The following SCHIP1 variants were observed in gnomAD, a reference collection of about 807,000 sequenced individuals.
SCHIP1 encodes the protein schwannomin interacting protein 1, also known as schwannomin-interacting protein 1.
SCHIP1 carries 8 observed loss-of-function variants against 29.7 expected under a neutral mutation model. That is an observed-to-expected ratio of 0.27 (90% CI 0.16 to 0.49). SCHIP1 has a LOEUF of 0.49. Among genes scored for constraint, SCHIP1 ranks in the 20% least tolerant of loss-of-function variants. The pLI is 0.99. For missense variants in SCHIP1, 193 were observed against 294.6 expected, an observed-to-expected ratio of 0.66 and a Z score of 2.52; for synonymous variants, 76 against 94.9, an observed-to-expected ratio of 0.80 and a Z score of 1.16.
chr3:159,503,098 A>G, the SCHIP1 span, among the ~76,000 whole-genome samples: 1 of 152,160 alleles, frequency 6.6e-6, no homozygotes, highest in East Asian at 1.9e-4. Context: ...GGAGACAGGG[A>G]GAAATGGTAG....
In SCHIP1 at chr3:159,888,952, A is replaced by G; in HGVS notation, c.589+9A>G. The G allele has an allele frequency of 6.2e-7, 1 of 1,613,020 alleles. No homozygotes were observed. Among genetic ancestry groups the G allele is most frequent in the South Asian group, 1.1e-5 (1 of 90,760 alleles). Reference sequence around the variant, plus strand: ...CCATTCCCAGATAGAAAGTAAGTGTAAGATATGCTTGAAAATAGGATATTC... The same window carrying G: ...CCATTCCCAGATAGAAAGTAAGTGTGAGATATGCTTGAAAATAGGATATTC... On this transcript the variant is annotated intron_variant, in intron 5 of 6. Coordinates refer to ENST00000445224, the Ensembl canonical transcript of SCHIP1.
At chr3:159,865,199 T>C (rs1714490432) in intron 1 of SCHIP1, among the ~76,000 whole-genome samples, 1 of 152,204 alleles carries the variant, frequency 6.6e-6, no homozygotes, top group South Asian at 2.1e-4. Context: ...GTGTATAAAA[T>C]GGTACTTCTC....
chr3:159,872,018 C>T (rs1715344919), intron 2 of SCHIP1, among the ~76,000 whole-genome samples: 1 of 152,144 alleles, frequency 6.6e-6, no homozygotes, highest in African/African-American at 2.4e-5. Flanking sequence ...CTACCAGCCT[C>T]CCCTGTGGGC....
At chr3:159,384,544 C>T in the SCHIP1 span, among the ~76,000 whole-genome samples, 1 of 149,122 alleles carries the variant, frequency 6.7e-6, no homozygotes, top group African/African-American at 2.5e-5. Context: ...CATCAATGTT[C>T]ATCAAGGATA....
At chr3:159,669,756 C>T in the SCHIP1 span, among the ~76,000 whole-genome samples, 1 of 152,176 alleles carries the variant, frequency 6.6e-6, no homozygotes, top group Non-Finnish European at 1.5e-5. Flanking sequence ...GAACACGAAA[C>T]CTAGGTTATG....
chr3:159,657,298 G>T, the SCHIP1 span, among the ~76,000 whole-genome samples: 1 of 152,162 alleles, frequency 6.6e-6, no homozygotes, highest in Non-Finnish European at 1.5e-5. Flanking sequence ...GTCCAAGTCA[G>T]CTGCCAAAGC....
At chr3:159,501,350 T>C in the SCHIP1 span, among the ~76,000 whole-genome samples, 1 of 152,242 alleles carries the variant, frequency 6.6e-6, no homozygotes, top group South Asian at 2.1e-4. Flanking sequence ...TTCACTAATT[T>C]AGTGACAGAT....
the SCHIP1 span, among the ~76,000 whole-genome samples, chr3:159,507,502 G>T: frequency 3.3e-5 from 5 of 152,114 alleles, no homozygotes; most frequent in South Asian, 6.2e-4. Context: ...TCCAGCACTA[G>T]GTTGAATAGG....
At chr3:159,599,911 T>C in the SCHIP1 span, among the ~76,000 whole-genome samples, 1 of 152,242 alleles carries the variant, frequency 6.6e-6, no homozygotes, top group Non-Finnish European at 1.5e-5. Context: ...AGTCTATTGG[T>C]AACAAATTTC....
At position 159,847,609 on chromosome 3, in the gene SCHIP1, G is replaced by A. The variant is rs901698988; in HGVS notation, c.30+7395G>A. On this transcript the variant is annotated intron_variant, in intron 1 of 6. Transcript: ENST00000445224. ...AATTGGTTCCACTTGGAAGCTGTGCGATGGTCATCAGAGTGACCACAGTTG... is the reference window on the plus strand; with the variant it reads ...AATTGGTTCCACTTGGAAGCTGTGCAATGGTCATCAGAGTGACCACAGTTG... 9.2e-5 allele frequency among the ~76,000 whole-genome samples: 14 copies of A among 152,258 alleles called. 2 individuals carry two copies. Among genetic ancestry groups the A allele is most frequent in the Non-Finnish European group, 7.4e-5 (5 of 68,010 alleles).
the SCHIP1 span, among the ~76,000 whole-genome samples, chr3:159,699,919 A>G: frequency 6.6e-6 from 1 of 152,248 alleles, no homozygotes; most frequent in East Asian, 1.9e-4. Flanking sequence ...GGAGAGCTGG[A>G]GAAGGTATAC....
In SCHIP1 at chr3:159,866,317, C is replaced by A. The variant is rs375556238; in HGVS notation, c.149+36C>A. On this transcript the variant is annotated intron_variant, in intron 2 of 6. Transcript: ENST00000445224. ...TTTTGAGTTGAATTTCTGATATGTACACAGTGGATTCTGTCACTTGACTAT... is the reference window on the plus strand; with the variant it reads ...TTTTGAGTTGAATTTCTGATATGTAAACAGTGGATTCTGTCACTTGACTAT... 167 of 1,561,120 alleles carry A rather than the reference C, an allele frequency of 1.1e-4. No homozygotes were observed. The African/African-American group carries it at 1.7e-3, about 15-fold the overall frequency.
At chr3:159,680,529 GTATATAATATATGTATATATATAATA>G in the SCHIP1 span, among the ~76,000 whole-genome samples, 4 of 109,026 alleles carry the variant, frequency 3.7e-5, no homozygotes, top group African/African-American at 1.5e-4. Context: ...ATATATATAT[GTATATAATATATGTATATATATAATA>G]TATATAATAT....
the SCHIP1 span, among the ~76,000 whole-genome samples, chr3:159,595,749 G>C: frequency 6.6e-6 from 1 of 152,248 alleles, no homozygotes; most frequent in South Asian, 2.1e-4. Context: ...TTGTAGTAAG[G>C]TTGGCATCTA....
the SCHIP1 span, among the ~76,000 whole-genome samples, chr3:159,391,534 T>C: frequency 1.3e-5 from 2 of 152,202 alleles, no homozygotes; most frequent in Middle Eastern, 3.2e-3. Flanking sequence ...TATATCTGTA[T>C]AAAAACCATT....
chr3:159,824,818 AG>A, the SCHIP1 span, among the ~76,000 whole-genome samples: 1 of 152,218 alleles, frequency 6.6e-6, no homozygotes, highest in Non-Finnish European at 1.5e-5. Context: ...CCTAAATTGT[AG>A]GTTGTTTCTT....
the SCHIP1 span, among the ~76,000 whole-genome samples, chr3:159,403,625 A>G: frequency 5.3e-5 from 8 of 152,234 alleles, no homozygotes; most frequent in African/African-American, 1.9e-4. Context: ...GGAATTGCCC[A>G]TCCCAGCAGT....
the SCHIP1 span, among the ~76,000 whole-genome samples, chr3:159,566,066 A>G: frequency 1.3e-5 from 2 of 152,206 alleles, no homozygotes; most frequent in Admixed American, 6.5e-5. Context: ...ATTACATAAT[A>G]TTTAAGAGAA....
At chr3:159,458,763 T>G in the SCHIP1 span, among the ~76,000 whole-genome samples, 1 of 152,180 alleles carries the variant, frequency 6.6e-6, no homozygotes, top group South Asian at 2.1e-4. Context: ...GGAAATCCCA[T>G]TAGGGAATTA....
Sources: gnomAD v4.1 joint callset for allele counts (sites outside exome capture counted in the v4.1 genomes callset) on GRCh38, gnomAD v4.1.1 for gene constraint, MANE v1.5 for transcripts, NCBI Gene and HGNC (gene_info 2026-07-23, HGNC 2026-07-21) for gene names.